Variants in SGK3 observed in about 807,000 individuals in gnomAD.
SGK3 encodes serine/threonine-protein kinase Sgk3.
A neutral mutation model predicts 68.5 loss-of-function variants in SGK3; 47 were observed. That is an observed-to-expected ratio of 0.69 (90% CI 0.54 to 0.87). SGK3 has a LOEUF of 0.87. Among genes scored for constraint, SGK3 ranks in the 40% least tolerant of loss-of-function variants. The probability of loss-of-function intolerance (pLI) is 0.00; values close to 1 mark genes in which losing one functional copy is unlikely to be tolerated. For synonymous variants in SGK3, 181 were observed against 189.1 expected (o/e 0.96, Z 0.35); for missense variants, 479 against 575.5 (o/e 0.83, Z 1.72).
chr8:66,800,053 A>C (rs1807865072), intron 3 of SGK3, among the ~76,000 whole-genome samples: 1 of 152,022 alleles, frequency 6.6e-6, no homozygotes, highest in Non-Finnish European at 1.5e-5. Context: ...TTAAGAAGGG[A>C]ATTTTGGGCC....
At chr8:66,831,134 A>G (rs565987800) in intron 7 of SGK3, 120 bp from the exon 8 acceptor site, 15 of 1,149,664 alleles carry the variant, frequency 1.3e-5, no homozygotes, top group Non-Finnish European at 1.8e-5. Flanking sequence ...AGCTAGAGTT[A>G]ATAGGCTGAA....
chr8:66,724,653 AT>A (rs1434451864), intron 1 of SGK3, among the ~76,000 whole-genome samples: 8 of 152,214 alleles, frequency 5.3e-5, no homozygotes, highest in Non-Finnish European at 8.8e-5. Context: ...TCCCACTGAA[AT>A]TATTTATTGC....
At chr8:66,840,986 T>C in intron 12 of SGK3, 38 bp from the exon 13 acceptor site, 2 of 1,445,390 alleles carry the variant, frequency 1.4e-6, no homozygotes, top group Non-Finnish European at 1.9e-6. Context: ...AATTCATATT[T>C]ATGCATTGTT....
At chr8:66,792,326 T>C (rs1187356884) in intron 1 of SGK3, among the ~76,000 whole-genome samples, 1 of 124,008 alleles carries the variant, frequency 8.1e-6, no homozygotes, top group African/African-American at 3.2e-5. Context: ...CAAAACTCCA[T>C]CTCAAAAAAA....
At chr8:66,802,300 A>G (rs1301141728) in intron 3 of SGK3, among the ~76,000 whole-genome samples, 1 of 152,204 alleles carries the variant, frequency 6.6e-6, no homozygotes, top group Non-Finnish European at 1.5e-5. Flanking sequence ...TCCTTTTAGA[A>G]TAAAAGAAAA....
rs543937887 is a variant in SGK3, at chr8:66,826,941, G to A, written c.418-1713G>A. On this transcript the variant is annotated intron_variant, in intron 6 of 16. Transcript: ENST00000521198. ...ATTACAGCCGTGAGCCACCACTCCC[G>A]TTCAGAAACTTCTTAAGAACTTTTG... Among the ~76,000 whole-genome samples, 40 of 151,620 alleles carry A rather than the reference G, an allele frequency of 2.6e-4. No homozygotes were observed. In the South Asian group the frequency reaches 7.4e-3, roughly 28 times the overall value.
intron 1 of SGK3, among the ~76,000 whole-genome samples, chr8:66,724,575 C>G (rs1024538499): frequency 1.3e-5 from 2 of 151,866 alleles, no homozygotes; most frequent in African/African-American, 4.8e-5. Flanking sequence ...TACTCTGTCT[C>G]AAGAAAATAA....
At chr8:66,840,146 G>T in intron 11 of SGK3, 31 bp downstream of exon 11, 1 of 1,601,858 alleles carries the variant, frequency 6.2e-7, no homozygotes, top group African/African-American at 1.3e-5. Context: ...TGTAAAAATT[G>T]TATATAACAA....
intron 1 of SGK3, among the ~76,000 whole-genome samples, chr8:66,731,208 A>G (rs188130024): frequency 1.3e-5 from 2 of 152,190 alleles, no homozygotes; most frequent in Admixed American, 6.6e-5. Context: ...TATGTGGACT[A>G]TCTTGGAGAA....
intron 1 of SGK3, among the ~76,000 whole-genome samples, chr8:66,758,037 C>CACACACACACA (rs1806042250): frequency 6.7e-6 from 1 of 149,530 alleles, no homozygotes; most frequent in Non-Finnish European, 1.5e-5. Context: ...CACACACACA[C>CACACACACACA]CCTTTACATG....
intron 1 of SGK3, among the ~76,000 whole-genome samples, chr8:66,721,994 CACT>C (rs1563594468): frequency 6.6e-6 from 1 of 152,092 alleles, no homozygotes; most frequent in Non-Finnish European, 1.5e-5. Context: ...TAGAGATATA[CACT>C]GGTGAAAGCT....
At chr8:66,829,054 G>GA (rs1563649515) in intron 7 of SGK3, among the ~76,000 whole-genome samples, 3 of 151,618 alleles carry the variant, frequency 2.0e-5, no homozygotes, top group Non-Finnish European at 2.9e-5. Flanking sequence ...GAGGTCCTCT[G>GA]AAAAAAAGCA....
At chr8:66,809,964 C>T (rs1268601297) in intron 4 of SGK3, among the ~76,000 whole-genome samples, 1 of 152,212 alleles carries the variant, frequency 6.6e-6, no homozygotes, top group South Asian at 2.1e-4. Context: ...GATCCAAGAG[C>T]GCTAGCAAGG....
chr8:66,743,169 GA>G (rs1168674800), intron 1 of SGK3, among the ~76,000 whole-genome samples: 1 of 152,152 alleles, frequency 6.6e-6, no homozygotes, highest in African/African-American at 2.4e-5. Flanking sequence ...AGTGACTCAT[GA>G]AGTCAATTTA....
In SGK3 at chr8:66,750,300, A is replaced by T. The variant is rs1481647666; in HGVS notation, c.-122+37467A>T. Among the ~76,000 whole-genome samples, 28 of 152,052 alleles carry T rather than the reference A, an allele frequency of 1.8e-4. 1 individual carries two copies. Among genetic ancestry groups the T allele is most frequent in the Non-Finnish European group, 1.5e-5 (1 of 68,004 alleles). On this transcript the variant is annotated intron_variant, in intron 1 of 16. Transcript: ENST00000521198. Reference sequence around the variant, plus strand: ...ATGCCTTCCTTTCTGGAAAATTCTTATAACAATCTAACATCGCTCACTTTA... The same window carrying T: ...ATGCCTTCCTTTCTGGAAAATTCTTTTAACAATCTAACATCGCTCACTTTA...
intron 14 of SGK3, among the ~76,000 whole-genome samples, chr8:66,844,006 A>C (rs932416434): frequency 2.0e-4 from 30 of 149,802 alleles, no homozygotes; most frequent in Admixed American, 8.3e-4. Context: ...AAAAAAAAAA[A>C]AAAAAAAAAA....
intron 15 of SGK3, among the ~76,000 whole-genome samples, chr8:66,847,579 C>T (rs1040612405): frequency 1.3e-5 from 2 of 152,300 alleles, no homozygotes; most frequent in Admixed American, 6.5e-5. Flanking sequence ...CATACACTTT[C>T]GCACCCTATT....
chr8:66,752,319 A>G (rs1334379760), intron 1 of SGK3, among the ~76,000 whole-genome samples: 4 of 152,158 alleles, frequency 2.6e-5, no homozygotes, highest in African/African-American at 4.8e-5. Context: ...CCTGGAATGC[A>G]TGACTTGGCA....
At chr8:66,766,515 T>C (rs1183141440) in intron 1 of SGK3, among the ~76,000 whole-genome samples, 1 of 152,158 alleles carries the variant, frequency 6.6e-6, no homozygotes, top group Admixed American at 6.5e-5. Flanking sequence ...AGAGCAAGAC[T>C]GTCTCAAAAT....
Sources: gnomAD v4.1 joint callset for allele counts (sites outside exome capture counted in the v4.1 genomes callset) on GRCh38, gnomAD v4.1.1 for gene constraint, MANE v1.5 for transcripts, NCBI Gene and HGNC (gene_info 2026-07-23, HGNC 2026-07-21) for gene names.